The following MIA2 variants were observed in gnomAD, a reference collection of about 807,000 sequenced individuals.
MIA2 encodes MIA SH3 domain ER export factor 2.
Under a neutral mutation model 167.8 loss-of-function variants are expected in MIA2, and 127 were observed. That is an observed-to-expected ratio of 0.76 (90% CI 0.66 to 0.88). The LOEUF is 0.88. MIA2 is among the 40% of genes least tolerant of loss of function. The probability of loss-of-function intolerance (pLI) is 0.00; values close to 1 mark genes in which losing one functional copy is unlikely to be tolerated. For synonymous variants in MIA2, 552 were observed against 541.9 expected (o/e 1.02, Z -0.26); for missense variants, 1,690 against 1,624.7 (o/e 1.04, Z -0.69).
chr14:39,301,227 A>AT (rs1189177798), intron 14 of MIA2, among the ~76,000 whole-genome samples: 8 of 151,734 alleles, frequency 5.3e-5, no homozygotes, highest in East Asian at 1.9e-4. Context: ...TGCCTGGCTA[A>AT]TTTTTTTTGT....
Position 39,319,243 on chromosome 14 carries a change from GA to G in MIA2, c.3324del (p.Asp1109IlefsTer82). Reference protein sequence around the residue: ...TETELKFELLEKDPYALDVPN... With the variant: ...TETELKFELLXKDPYALDVPN... The stretch of plus-strand genomic sequence containing the variant: ...AACAGAGCTTAAATTTGAACTTTTA[GA>G]AAAAGATCCTTATGCACTCGATGTT... On this transcript the variant is annotated frameshift_variant, in exon 23 of 29. Coordinates refer to ENST00000640607, the MANE Select transcript of MIA2 (RefSeq NM_001329214.4). LOFTEE classifies it high-confidence loss of function. 6.4e-7 allele frequency: 1 copy of G among 1,571,230 alleles called. No homozygotes were observed. The highest frequency in any genetic ancestry group is 8.6e-7 in the Non-Finnish European group (1 of 1,156,498).
chr14:39,328,224 G>A (rs1017491481), intron 25 of MIA2, among the ~76,000 whole-genome samples: 2 of 152,150 alleles, frequency 1.3e-5, no homozygotes, highest in Admixed American at 6.5e-5. Context: ...GACCAGTGAT[G>A]GTGAGCTTTT....
At chr14:39,324,094 C>T (rs2066983638) in intron 24 of MIA2, among the ~76,000 whole-genome samples, 1 of 152,130 alleles carries the variant, frequency 6.6e-6, no homozygotes, top group Non-Finnish European at 1.5e-5. Context: ...ACAATTTCTT[C>T]TTAGAGTAAA....
At chr14:39,371,143 C>G (rs1000264961) in intron 23 of MIA2, among the ~76,000 whole-genome samples, 3 of 151,984 alleles carry the variant, frequency 2.0e-5, no homozygotes, top group Non-Finnish European at 4.4e-5. Context: ...GTTTACTTGA[C>G]TATTCTTTTC....
chr14:39,281,365 G>A (rs2058912342), intron 9 of MIA2, among the ~76,000 whole-genome samples: 1 of 151,826 alleles, frequency 6.6e-6, no homozygotes. Flanking sequence ...TTCTTTTCCA[G>A]GGTTTCCATC....
chr14:39,315,120 TAAA>T (rs558848153), intron 20 of MIA2: 73 of 105,868 alleles, frequency 6.9e-4, no homozygotes, highest in African/African-American at 2.8e-3. Context: ...CTGTCTCTAC[TAAA>T]AAAAAAAAAA....
At chr14:39,300,095 A>G in intron 14 of MIA2, 109 bp downstream of exon 14, 1 of 1,400,938 alleles carries the variant, frequency 7.1e-7, no homozygotes, top group East Asian at 2.5e-5. Context: ...ATATTTTCAT[A>G]ACATATTTGG....
chr14:39,270,434 T>A (rs2056939255), intron 6 of MIA2, among the ~76,000 whole-genome samples: 1 of 151,984 alleles, frequency 6.6e-6, no homozygotes, highest in Non-Finnish European at 1.5e-5. Context: ...CTCCTGACCT[T>A]GTGATCCACC....
chr14:39,351,394 A>C (rs1456270525), downstream of MIA2: 3 of 151,970 alleles, frequency 2.0e-5, no homozygotes, highest in African/African-American at 7.2e-5. Context: ...AAAAAAACAA[A>C]AAACAAAAAA....
At chr14:39,313,160 ATAT>A (rs35173374) in intron 18 of MIA2, among the ~76,000 whole-genome samples, 177 bp from the exon 19 acceptor site, 82,746 of 151,578 alleles carry the variant, frequency 0.55, 24,286 homozygotes, top group South Asian at 0.67. Flanking sequence ...TCGGTTTATA[ATAT>A]TAAATTCAAC....
rs1470194550 is a variant in MIA2, at chr14:39,299,965, T to C, written c.2598T>C (p.Asn866=). The change falls in exon 14 of 29, where the codon AAT becomes AAC. Residue 866 remains asparagine (N), a synonymous_variant. Transcript: ENST00000640607. ...AAGTACATGCAGAACAAGTTCTAAA[T>C]GATAAAGAAAGTCACATCAAGGTAA... ...DSKVHAEQVL[N]DKESHIKTLT... is the part of the protein sequence containing the mutation. 1 of 1,600,240 alleles carries C rather than the reference T, an allele frequency of 6.2e-7. No individual in the cohort carries two copies. The highest frequency in any genetic ancestry group is 1.8e-5 in the Admixed American group (1 of 57,048).
chr14:39,240,063 C>T (rs1216185689), intron 2 of MIA2, among the ~76,000 whole-genome samples: 1 of 152,186 alleles, frequency 6.6e-6, no homozygotes, highest in Non-Finnish European at 1.5e-5. Context: ...TAGAATGGAA[C>T]CAAATCCTCC....
At chr14:39,285,596 G>A (rs538878353) in intron 9 of MIA2, among the ~76,000 whole-genome samples, 2 of 148,620 alleles carry the variant, frequency 1.3e-5, no homozygotes, top group Non-Finnish European at 1.5e-5. Context: ...CCCGGACGGG[G>A]CGGCTGGCCG....
At chr14:39,346,432 T>C (rs2073266142) in intron 26 of MIA2, among the ~76,000 whole-genome samples, 1 of 152,140 alleles carries the variant, frequency 6.6e-6, no homozygotes, top group African/African-American at 2.4e-5. Context: ...TAATCAGTTA[T>C]ATTAAACATT....
chr14:39,242,076 G>A (rs899529207), intron 3 of MIA2, among the ~76,000 whole-genome samples: 4 of 152,316 alleles, frequency 2.6e-5, no homozygotes, highest in Admixed American at 6.5e-5. Context: ...TGGAAGCAAA[G>A]GATATGTTTT....
Position 39,293,141 on chromosome 14 carries a change from T to C in MIA2, c.2209-130T>C, listed in dbSNP as rs560117378. On this transcript the variant is annotated intron_variant, in intron 10 of 28. Coordinates refer to ENST00000640607, the MANE Select transcript of MIA2 (RefSeq NM_001329214.4). ...ACTGCTACAATTGCTGTTATTTTGA[T>C]ATTATAAAAATGAGCAAATGTATAA... is the stretch of plus-strand genomic sequence containing the variant. The C allele has an allele frequency of 3.2e-4, 222 of 690,188 alleles. No individual in the cohort carries two copies. In the African/African-American group the frequency reaches 3.5e-3, roughly 11 times the overall value. The allele number at this position is 690,188 out of a possible 1,614,324, so 42.8% of individuals were successfully genotyped here.
At chr14:39,307,282 C>T (rs930640623) in intron 17 of MIA2, among the ~76,000 whole-genome samples, 2 of 151,724 alleles carry the variant, frequency 1.3e-5, no homozygotes, top group Admixed American at 1.3e-4. Flanking sequence ...TCTCCAAAAC[C>T]TTCCTGAGAA....
chr14:39,321,111 C>T, intron 24 of MIA2, 55 bp downstream of exon 24: 7 of 1,514,788 alleles, frequency 4.6e-6, no homozygotes, highest in Non-Finnish European at 6.3e-6. Flanking sequence ...TTTATATTTT[C>T]ATCTCAACTT....
At chr14:39,251,344 AATT>A (rs755995452) in intron 4 of MIA2, among the ~76,000 whole-genome samples, 6 of 152,028 alleles carry the variant, frequency 3.9e-5, no homozygotes, top group African/African-American at 1.5e-4. Context: ...AAATATTAAA[AATT>A]ATTATTTTGA....
Sources: allele counts gnomAD v4.1 joint callset (sites outside exome capture counted in the v4.1 genomes callset), GRCh38; gene constraint gnomAD v4.1.1; transcripts MANE v1.5; gene names NCBI Gene and HGNC (gene_info 2026-07-23, HGNC 2026-07-21).